Variants in PTPRB observed in about 807,000 individuals in gnomAD.
The protein encoded by PTPRB is protein tyrosine phosphatase receptor type B, also known as receptor-type tyrosine-protein phosphatase beta.
PTPRB carries 97 observed loss-of-function variants against 238.1 expected under a neutral mutation model. The ratio of observed to expected loss-of-function variants is 0.41; its 90% CI spans 0.35 to 0.48. PTPRB has a LOEUF of 0.48. Among genes scored for constraint, PTPRB ranks in the 20% least tolerant of loss-of-function variants. The probability of loss-of-function intolerance (pLI) is 0.30; values close to 1 mark genes in which losing one functional copy is unlikely to be tolerated. For synonymous variants in PTPRB, 970 were observed against 995.4 expected (o/e 0.97, Z 0.48); for missense variants, 2,292 against 2,681.9 (o/e 0.85, Z 3.21).
In PTPRB at chr12:70,594,490, T is replaced by C. The variant is rs769161300; in HGVS notation, c.1493A>G (p.Tyr498Cys). The part of the protein sequence containing the change: ...VMTEAAGLQN[Y>C]RWKLVRTAPM... ...ACCTGTCCTGACTAGTTTCCACCTG[T>C]AGTTTTGCAGCCCTGCAGCCTCAGT... Residue 498 changes from tyrosine to cysteine, a missense_variant, in exon 6 of 34, where the codon TAC (tyrosine) becomes TGC (cysteine). By Grantham distance (194) the Tyr-to-Cys change is radical. Around this residue, in one of 4 missense-constraint regions of PTPRB, gnomAD observed 1,205 missense variants for 1,287.8 expected, o/e 0.94. Coordinates refer to ENST00000334414, the MANE Select transcript of PTPRB (RefSeq NM_001109754.4). 6.2e-7 allele frequency: 1 copy of C among 1,614,030 alleles called. No individual in the cohort carries two copies. The highest frequency in any genetic ancestry group is 8.5e-7 in the Non-Finnish European group (1 of 1,179,894).
rs763198605 is a variant in PTPRB at position 70,559,542 on chromosome 12, C to G, written c.4515G>C (p.Trp1505Cys). 5.0e-6 allele frequency: 8 copies of G among 1,613,906 alleles called. No homozygotes were observed. Among genetic ancestry groups the G allele is most frequent in the Non-Finnish European group, 6.8e-6 (8 of 1,179,826 alleles). The stretch of plus-strand genomic sequence containing the variant: ...GCAGCTCAAAGTCGTTGTAGTCTGT[C>G]CAGTCTGGGGGCCCTTTCCACGTGA... The part of the protein sequence containing the change: ...LAITWKGPPD[W>C]TDYNDFELQW... The change falls in exon 18 of 34, where the codon TGG becomes TGC. Residue 1505 changes from tryptophan to cysteine, a missense_variant. By Grantham distance (215) the Trp-to-Cys change is radical. Around this residue, in one of 4 missense-constraint regions of PTPRB, gnomAD observed 683 missense variants for 862.0 expected, o/e 0.79. Coordinates refer to ENST00000334414, the MANE Select transcript of PTPRB (RefSeq NM_001109754.4).
At chr12:70,531,602 C>T (rs1410306821) in intron 32 of PTPRB, among the ~76,000 whole-genome samples, 2 of 152,050 alleles carry the variant, frequency 1.3e-5, no homozygotes, top group Non-Finnish European at 2.9e-5. Flanking sequence ...TAATATGTCT[C>T]GCTTGGTTAT....
intron 6 of PTPRB, among the ~76,000 whole-genome samples, chr12:70,592,771 T>C (rs2136467016): frequency 6.6e-6 from 1 of 152,364 alleles, no homozygotes; most frequent in East Asian, 1.9e-4. Context: ...GTAGGCTATA[T>C]GCCTAGTGGC....
Position 70,520,054 on chromosome 12 carries a change from G to GCTTT in PTPRB, c.*1434_*1435insAAAG, listed in dbSNP as rs931793521. The GCTTT allele has an allele frequency of 4.8e-5, 16 of 331,548 alleles. No homozygotes were observed. The highest frequency in any genetic ancestry group is 3.5e-4 in the African/African-American group (16 of 45,612). The allele number at this position is 331,548 out of a possible 1,614,324, so 20.5% of individuals were successfully genotyped here. On this transcript the variant is annotated 3_prime_UTR_variant, in exon 34 of 34. Transcript: ENST00000334414. ...AAAAGAAATATACTCTTTATGCAAA[G>GCTTT]GAAGCTATGCCATCAACAAACTTGA... is the stretch of plus-strand genomic sequence containing the variant.
At chr12:70,617,118 A>G (rs1429640218) in intron 3 of PTPRB, among the ~76,000 whole-genome samples, 3 of 152,254 alleles carry the variant, frequency 2.0e-5, no homozygotes, top group African/African-American at 7.2e-5. Context: ...AAATAGCAAC[A>G]TGGTCTTTTT....
At chr12:70,624,193 T>C (rs1394401957) in intron 2 of PTPRB, among the ~76,000 whole-genome samples, 4 of 152,204 alleles carry the variant, frequency 2.6e-5, no homozygotes, top group Non-Finnish European at 5.9e-5. Flanking sequence ...ATATTTAGTG[T>C]ATCCCACATA....
chr12:70,540,436 C>G (rs1874881176), intron 23 of PTPRB: 1 of 197,320 alleles, frequency 5.1e-6, no homozygotes, highest in Non-Finnish European at 1.0e-5. Context: ...TTTTTGGTCC[C>G]TTCTTAAATT....
intron 2 of PTPRB, among the ~76,000 whole-genome samples, chr12:70,626,389 G>GCCTGCCTGCCTGCCTA (rs1392473499): frequency 6.8e-6 from 1 of 146,232 alleles, no homozygotes; most frequent in Non-Finnish European, 1.5e-5. Context: ...CTGCCTGCCT[G>GCCTGCCTGCCTGCCTA]CCTGCCTGCC....
intron 8 of PTPRB, among the ~76,000 whole-genome samples, chr12:70,589,004 TTA>T (rs1281933593): frequency 2.0e-5 from 3 of 152,130 alleles, no homozygotes; most frequent in African/African-American, 7.2e-5. Context: ...CTCCTGAGAA[TTA>T]TGCTGACATG....
At chr12:70,601,670 A>T (rs1474865115) in intron 4 of PTPRB, among the ~76,000 whole-genome samples, 4 of 152,204 alleles carry the variant, frequency 2.6e-5, no homozygotes, top group Non-Finnish European at 5.9e-5. Flanking sequence ...GCAAAAAACC[A>T]AACCATCCTT....
intron 2 of PTPRB, among the ~76,000 whole-genome samples, chr12:70,630,916 A>G (rs537488877): frequency 1.3e-5 from 2 of 152,320 alleles, no homozygotes; most frequent in East Asian, 3.9e-4. Flanking sequence ...CCACTGCTCA[A>G]CGAAATAAAA....
rs563314002 is a variant in PTPRB at position 70,530,899 on chromosome 12, A to AAAAC, written c.6504+1132_6504+1135dup. 2.2e-3 allele frequency among the ~76,000 whole-genome samples: 332 copies of AAAAC among 152,024 alleles called. 4 individuals carry two copies. The South Asian group carries it at 0.028, about 13-fold the overall frequency. Reference sequence around the variant, plus strand: ...CCAGCCATGTTTTGTATATTTTTTCAAAACAATTTCATAATAAAACATTCA... The same window carrying AAAAC: ...CCAGCCATGTTTTGTATATTTTTTCAAAACAAACAATTTCATAATAAAACATTCA... On this transcript the variant is annotated intron_variant, in intron 32 of 33. Coordinates refer to ENST00000334414, the MANE Select transcript of PTPRB (RefSeq NM_001109754.4).
chr12:70,519,311 A>G lies in PTPRB; in HGVS notation c.*2178T>C, dbSNP rs1871432468. The G allele has an allele frequency of 6.6e-6, 1 of 152,134 alleles. No individual in the cohort carries two copies. The highest frequency in any genetic ancestry group is 1.5e-5 in the Non-Finnish European group (1 of 68,020). 9.4% of individuals were successfully genotyped at this position (152,134 alleles called of 1,614,324 possible). A position where few individuals can be genotyped will look rare whatever the true frequency, so the allele number is the denominator to read the frequency against. ...TCTCTCCTAGATCCAGAGGTTTGCT[A>G]TTAAAGTAGCATTAGCACTTTCCAG... On this transcript the variant is annotated 3_prime_UTR_variant, in exon 34 of 34. Transcript: ENST00000334414.
intron 3 of PTPRB, among the ~76,000 whole-genome samples, chr12:70,614,287 T>A (rs567934302): frequency 6.6e-6 from 1 of 152,172 alleles, no homozygotes; most frequent in Non-Finnish European, 1.5e-5. Flanking sequence ...CTAAACCCTG[T>A]ACTTGATATC....
intron 13 of PTPRB, 123 bp from the exon 14 acceptor site, chr12:70,570,061 G>A (rs1320899729): frequency 2.2e-6 from 2 of 923,548 alleles, no homozygotes; most frequent in Non-Finnish European, 3.2e-6. Context: ...GAAAAAGAAA[G>A]TAACAATTTG....
chr12:70,528,981 G>A (rs61930284), intron 32 of PTPRB, among the ~76,000 whole-genome samples: 28,970 of 150,332 alleles, frequency 0.19, 3,468 homozygotes, highest in Middle Eastern at 0.36. Flanking sequence ...GGATCCATCT[G>A]GTAGGCGGGC....
At chr12:70,534,368 G>GATTTGT in intron 31 of PTPRB, 120 bp downstream of exon 31, 1 of 1,109,058 alleles carries the variant, frequency 9.0e-7, no homozygotes, top group Non-Finnish European at 1.3e-6. Context: ...GGCGAGGCAG[G>GATTTGT]CTGGTTGGTC....
intron 32 of PTPRB, among the ~76,000 whole-genome samples, chr12:70,529,510 C>T (rs1383644094): frequency 6.6e-6 from 1 of 151,976 alleles, no homozygotes; most frequent in Non-Finnish European, 1.5e-5. Flanking sequence ...TTTTTAGCAA[C>T]ATAATTGTAG....
chr12:70,558,901 C>T (rs1426183429), intron 18 of PTPRB: 4 of 203,066 alleles, frequency 2.0e-5, no homozygotes, highest in Admixed American at 1.6e-4. Flanking sequence ...TACTCTCCCT[C>T]CTCTCTCATC....
Sources: gnomAD v4.1 joint callset for allele counts (sites outside exome capture counted in the v4.1 genomes callset) on GRCh38, gnomAD v4.1.1 for gene constraint, gnomAD v4.1.1 regional missense constraint, MANE v1.5 for transcripts, NCBI Gene and HGNC (gene_info 2026-07-23, HGNC 2026-07-21) for gene names.